The following ACSL4 variants were observed in gnomAD, a reference collection of about 807,000 sequenced individuals.
ACSL4 encodes long-chain-fatty-acid--CoA ligase 4.
Under a neutral mutation model 49.1 loss-of-function variants are expected in ACSL4, and 9 were observed. The ratio of observed to expected loss-of-function variants is 0.18; its 90% CI spans 0.11 to 0.32. The LOEUF (loss-of-function observed/expected upper bound fraction) is 0.32. Among genes scored for constraint, ACSL4 ranks in the 10% least tolerant of loss-of-function variants. The pLI, the probability that ACSL4 is intolerant of heterozygous loss-of-function variation, is 1.00. For missense variants in ACSL4, 333 were observed against 493.7 expected (o/e 0.67, Z 3.08); for synonymous variants, 191 against 170.3 (o/e 1.12, Z -0.95).
intron 1 of ACSL4, among the ~76,000 whole-genome samples, chrX:109,708,745 G>A (rs1250804944): frequency 8.9e-6 from 1 of 111,909 alleles, no homozygotes; most frequent in African/African-American, 3.2e-5. Flanking sequence ...AATCTGAAAC[G>A]TTGTGAGCAC....
At chrX:109,662,542 C>A (rs1922257537) in intron 13 of ACSL4, among the ~76,000 whole-genome samples, 2 of 110,815 alleles carry the variant, frequency 1.8e-5, no homozygotes, top group South Asian at 7.6e-4. Flanking sequence ...TTCTCATCAG[C>A]AAGTTTTAAC....
intron 13 of ACSL4, among the ~76,000 whole-genome samples, chrX:109,661,883 A>G (rs954918799): frequency 9.9e-5 from 11 of 111,212 alleles, no homozygotes; most frequent in Non-Finnish European, 1.5e-4. Flanking sequence ...TTAAGTAAGT[A>G]TTGGCTAAAA....
chrX:109,672,428 C>T (rs1209907153), intron 9 of ACSL4, among the ~76,000 whole-genome samples: 1 of 111,577 alleles, frequency 9.0e-6, no homozygotes, highest in Non-Finnish European at 1.9e-5. Flanking sequence ...ACAGTTGTAA[C>T]ACATTGGCAG....
At chrX:109,701,631 C>T (rs1338778163) in intron 1 of ACSL4, among the ~76,000 whole-genome samples, 9 of 101,561 alleles carry the variant, frequency 8.9e-5, no homozygotes, top group African/African-American at 1.5e-4. Context: ...CTGCAACCTC[C>T]GCCTCACGGT....
intron 1 of ACSL4, among the ~76,000 whole-genome samples, chrX:109,719,170 G>C (rs1927356252): frequency 8.9e-6 from 1 of 112,180 alleles, no homozygotes; most frequent in Non-Finnish European, 1.9e-5. Context: ...AACGTGTTAG[G>C]AACAAATCTT....
intron 13 of ACSL4, among the ~76,000 whole-genome samples, chrX:109,662,866 C>T (rs956053647): frequency 3.6e-5 from 4 of 111,382 alleles, no homozygotes; most frequent in Non-Finnish European, 7.5e-5. Context: ...CCAAGAAAGA[C>T]GTCCTCTGAG....
rs750512371 is a variant in ACSL4 at position 109,663,115 on chromosome X, G to A, written c.1582+96C>T. On this transcript the variant is annotated intron_variant, in intron 13 of 15. Coordinates refer to ENST00000672401, the MANE Select transcript of ACSL4 (RefSeq NM_001318510.2). Reference sequence around the variant, plus strand: ...AACTTGTCCAAAGTTTGAACTAATGGAACCATCAACTTTATTAATGACTGA... The same window carrying A: ...AACTTGTCCAAAGTTTGAACTAATGAAACCATCAACTTTATTAATGACTGA... 3.7e-4 allele frequency: 293 copies of A among 801,733 alleles called. No individual in the cohort carries two copies. The African/African-American group carries it at 5.6e-3, about 15-fold the overall frequency. The allele number at this position is 801,733 out of a possible 1,213,427, so 66.1% of individuals were successfully genotyped here.
intron 15 of ACSL4, among the ~76,000 whole-genome samples, chrX:109,648,019 G>A (rs1934810435): frequency 1.8e-5 from 2 of 111,599 alleles, no homozygotes; most frequent in Admixed American, 9.5e-5. Flanking sequence ...TGCTGAAATT[G>A]AGGCAGTAAT....
Position 109,678,329 on chromosome X carries a change from T to A in ACSL4, c.742A>T (p.Met248Leu), listed in dbSNP as rs375700800. 3 of 1,211,803 alleles carry A rather than the reference T, an allele frequency of 2.5e-6. No individual in the cohort carries two copies. In the Admixed American group the frequency reaches 6.5e-5, roughly 26 times the overall value. Residue 248 changes from methionine (M) to leucine (L), a missense_variant, in exon 7 of 16, where the codon ATG becomes TTG. Met to Leu is a conservative substitution (Grantham distance 15). Coordinates refer to ENST00000672401, the MANE Select transcript of ACSL4 (RefSeq NM_001318510.2). ...SGSTGRPKGV[M>L]MHHSNLIAGM... ...GCTATCAAATTGCTATGATGCATCA[T>A]CACTCCCTTAGGTCGGCCAGTAGAA...
At chrX:109,673,879 CTTTTT>C (rs367622678) in intron 9 of ACSL4, among the ~76,000 whole-genome samples, 1,916 of 107,371 alleles carry the variant, frequency 0.018, 31 homozygotes, top group African/African-American at 0.06. Context: ...AATGTAACAT[CTTTTT>C]TTTTTAAGGC....
intron 2 of ACSL4, among the ~76,000 whole-genome samples, chrX:109,684,160 C>G (rs187550500): frequency 8.6e-4 from 96 of 111,811 alleles, no homozygotes; most frequent in African/African-American, 3.0e-3. Context: ...AAAGGTCAAC[C>G]CAGAAACCTT....
In ACSL4 at chrX:109,702,488, G is replaced by C. The variant is rs1926045668; in HGVS notation, c.-65-6292C>G. Among the ~76,000 whole-genome samples the C allele has an allele frequency of 3.6e-5, 4 of 112,142 alleles. No individual in the cohort carries two copies. The South Asian group carries it at 1.5e-3, about 41-fold the overall frequency. ...CTAGCAGAACTGCTGATTCAAAAGG[G>C]TATGATCATTTTATATTTAGTCTAT... On this transcript the variant is annotated intron_variant, in intron 1 of 15. Transcript: ENST00000672401.
intron 1 of ACSL4, among the ~76,000 whole-genome samples, chrX:109,709,509 G>A (rs930328432): frequency 2.7e-5 from 3 of 112,315 alleles, no homozygotes; most frequent in Non-Finnish European, 5.6e-5. Context: ...GAAATGTTTC[G>A]AGCAGTGGTA....
intron 13 of ACSL4, among the ~76,000 whole-genome samples, chrX:109,662,326 C>A (rs747799960): frequency 9.9e-5 from 11 of 110,677 alleles, no homozygotes; most frequent in Admixed American, 3.8e-4. Flanking sequence ...AATTAAGGAA[C>A]AAGGGGGAAA....
chrX:109,665,081 T>C (rs949314887), intron 12 of ACSL4, among the ~76,000 whole-genome samples: 1 of 111,547 alleles, frequency 9.0e-6, no homozygotes, highest in Non-Finnish European at 1.9e-5. Context: ...TTCTATCCCC[T>C]AAAAATCTGG....
chrX:109,666,557 T>C (rs887649807), intron 11 of ACSL4, among the ~76,000 whole-genome samples: 6 of 111,508 alleles, frequency 5.4e-5, no homozygotes, highest in African/African-American at 2.0e-4. Context: ...GGTGGATGCA[T>C]CTAATAGAAG....
Position 109,701,546 on chromosome X carries a change from T to C in ACSL4, c.-65-5350A>G, listed in dbSNP as rs1187651571. 4.3e-5 allele frequency among the ~76,000 whole-genome samples: 4 copies of C among 93,517 alleles called. No individual in the cohort carries two copies. In the Admixed American group the frequency reaches 4.8e-4, roughly 11 times the overall value. The allele number at this position is 93,517 out of a possible 115,157, so 81.2% of individuals were successfully genotyped here. On this transcript the variant is annotated intron_variant, in intron 1 of 15. Coordinates refer to ENST00000672401, the MANE Select transcript of ACSL4 (RefSeq NM_001318510.2). ...CATAGAATTTTTCTTCTTCTTCTTT[T>C]TCTTTTTTTTTTTTTTTTAGATGGA... is the stretch of plus-strand genomic sequence containing the variant.
chrX:109,694,473 G>A (rs931825997), intron 2 of ACSL4, among the ~76,000 whole-genome samples: 1 of 111,339 alleles, frequency 9.0e-6, no homozygotes, highest in Non-Finnish European at 1.9e-5. Flanking sequence ...CATATTTTAA[G>A]ATATCACAAA....
intron 1 of ACSL4, among the ~76,000 whole-genome samples, chrX:109,722,590 C>T (rs1041965837): frequency 9.0e-6 from 1 of 111,672 alleles, no homozygotes; most frequent in African/African-American, 3.3e-5. Flanking sequence ...GATAACTACA[C>T]TGTAAATAAC....
Sources: allele counts gnomAD v4.1 joint callset (sites outside exome capture counted in the v4.1 genomes callset), GRCh38; gene constraint gnomAD v4.1.1; transcripts MANE v1.5; gene names NCBI Gene and HGNC (gene_info 2026-07-23, HGNC 2026-07-21).